FAT3: variants seen among roughly 807,000 people sequenced by gnomAD.
The protein encoded by FAT3 is FAT atypical cadherin 3.
FAT3 carries 95 observed loss-of-function variants against 310.2 expected under a neutral mutation model. The ratio of observed to expected loss-of-function variants is 0.31; its 90% CI spans 0.26 to 0.36. FAT3 has a LOEUF of 0.36. Among genes scored for constraint, FAT3 ranks in the 10% least tolerant of loss-of-function variants. FAT3 has a pLI of 1.00. For synonymous variants in FAT3, 2,314 were observed against 2,192.9 expected (o/e 1.06, Z -1.54); for missense variants, 5,408 against 5,715.6 (o/e 0.95, Z 1.74).
At chr11:92,562,219 T>A (rs78523298) in intron 3 of FAT3, among the ~76,000 whole-genome samples, 3,133 of 152,268 alleles carry the variant, frequency 0.021, 99 homozygotes, top group African/African-American at 0.071. Flanking sequence ...CATATGCAAT[T>A]TATATTTATA....
Position 92,895,966 on chromosome 11 carries a change from T to G in FAT3, c.*4853T>G, listed in dbSNP as rs574351278. On this transcript the variant is annotated 3_prime_UTR_variant, in exon 28 of 28. Transcript: ENST00000525166. ...AGGATTTTAGATTTGAAAATGATGT[T>G]TTTTACTCATTTCAAAATGTACTGT... The G allele has an allele frequency of 6.6e-6, 1 of 151,484 alleles. No individual in the cohort carries two copies. Among genetic ancestry groups the G allele is most frequent in the Admixed American group, 6.6e-5 (1 of 15,220 alleles). The allele number at this position is 151,484 out of a possible 1,614,324, so 9.4% of individuals were successfully genotyped here. A position where few individuals can be genotyped will look rare whatever the true frequency, so the allele number is the denominator to read the frequency against.
chr11:92,360,668 A>T (rs541473521), intron 2 of FAT3, among the ~76,000 whole-genome samples: 1 of 152,198 alleles, frequency 6.6e-6, no homozygotes, highest in Non-Finnish European at 1.5e-5. Context: ...GAGATGAAAA[A>T]TTTCCAATTG....
At chr11:92,715,923 A>G (rs1479867608) in intron 4 of FAT3, among the ~76,000 whole-genome samples, 1 of 152,072 alleles carries the variant, frequency 6.6e-6, no homozygotes, top group African/African-American at 2.4e-5. Flanking sequence ...CAGTGGAAGT[A>G]GGAATTGGAG....
chr11:92,811,883 T>G (rs1947682635), intron 13 of FAT3, among the ~76,000 whole-genome samples: 1 of 152,198 alleles, frequency 6.6e-6, no homozygotes, highest in African/African-American at 2.4e-5. Context: ...TAGATTTCTT[T>G]TAGCTTTAAA....
Position 92,800,183 on chromosome 11 carries a change from C to T in FAT3, c.7170C>T (p.Asn2390=). 1 of 1,613,952 alleles carries T rather than the reference C, an allele frequency of 6.2e-7. No individual in the cohort carries two copies. Residue 2390 remains asparagine, a synonymous_variant, in exon 10 of 28, where the codon AAC becomes AAT. Coordinates refer to ENST00000525166, the MANE Select transcript of FAT3 (RefSeq NM_001367949.2). ...VHIYISDVND[N]PPVFNQLIYE... is the part of the protein sequence containing the mutation. ...TCTACATCTCTGATGTAAATGACAA[C>T]CCTCCAGTTTTTAATCAGCTCATTT...
chr11:92,566,869 C>T (rs1465400654), intron 3 of FAT3, among the ~76,000 whole-genome samples: 1 of 152,166 alleles, frequency 6.6e-6, no homozygotes, highest in African/African-American at 2.4e-5. Context: ...TTCCACACAC[C>T]TTATACAAAA....
chr11:92,782,614 C>G (rs3843602), intron 7 of FAT3, among the ~76,000 whole-genome samples: 128,811 of 152,192 alleles, frequency 0.85, 54,702 homozygotes, highest in East Asian at 0.94. Context: ...GCTTGTATCT[C>G]TATGCTCCAC....
chr11:92,740,032 G>T (rs987303875), intron 4 of FAT3, among the ~76,000 whole-genome samples: 1 of 152,182 alleles, frequency 6.6e-6, no homozygotes, highest in Non-Finnish European at 1.5e-5. Context: ...TAAATGAGCA[G>T]TGAGAATATA....
At chr11:92,876,674 C>T (rs554793329) in intron 22 of FAT3, among the ~76,000 whole-genome samples, 49 of 152,350 alleles carry the variant, frequency 3.2e-4, no homozygotes, top group Non-Finnish European at 5.0e-4. Flanking sequence ...ATATAGATTG[C>T]TCTCTTGGCT....
At chr11:92,515,079 A>G (rs1366872407) in intron 2 of FAT3, among the ~76,000 whole-genome samples, 1 of 152,110 alleles carries the variant, frequency 6.6e-6, no homozygotes, top group Non-Finnish European at 1.5e-5. Flanking sequence ...GAATCGCTTC[A>G]TTGATATAAA....
chr11:92,512,311 C>T (rs1953320264), intron 2 of FAT3, among the ~76,000 whole-genome samples: 1 of 151,648 alleles, frequency 6.6e-6, no homozygotes, highest in Non-Finnish European at 1.5e-5. Flanking sequence ...GGCACCACCT[C>T]ATTCTCTAAA....
At chr11:92,736,790 A>G (rs1216976929) in intron 4 of FAT3, among the ~76,000 whole-genome samples, 1 of 152,154 alleles carries the variant, frequency 6.6e-6, no homozygotes, top group Non-Finnish European at 1.5e-5. Context: ...AATTTGATTC[A>G]TTTATTTAAA....
At position 92,799,692 on chromosome 11, in the gene FAT3, C is replaced by G. The variant is rs1236090008; in HGVS notation, c.6679C>G (p.Pro2227Ala). Residue 2227 changes from proline (P) to alanine (A), a missense_variant, in exon 10 of 28, where the codon CCT (proline) becomes GCT (alanine). Coordinates refer to ENST00000525166, the MANE Select transcript of FAT3 (RefSeq NM_001367949.2). ...CATATATATCATTATCGATGGGGAC[C>G]CTTTTAAACAGTTTAACATTGACTT... is the stretch of plus-strand genomic sequence containing the variant. ...GIIYIIIDGD[P>A]FKQFNIDFDT... The G allele has an allele frequency of 3.1e-6, 5 of 1,613,188 alleles. No homozygotes were observed. The highest frequency in any genetic ancestry group is 3.4e-6 in the Non-Finnish European group (4 of 1,179,636).
chr11:92,635,947 T>G (rs1941751215), intron 3 of FAT3, among the ~76,000 whole-genome samples: 1 of 152,004 alleles, frequency 6.6e-6, no homozygotes, highest in Non-Finnish European at 1.5e-5. Context: ...TCTTCTTTTT[T>G]GTTTTGTTTT....
rs1221796768 is a variant in FAT3 at position 92,724,900 on chromosome 11, T to C, written c.3669+27455T>C. Among the ~76,000 whole-genome samples the C allele has an allele frequency of 4.6e-5, 7 of 152,258 alleles. No individual in the cohort carries two copies. In the East Asian group the frequency reaches 1.4e-3, roughly 29 times the overall value. ...ATTACAGTGGCGTGGTTACTTCACA[T>C]TGAGTAATTAAGAAGCAACTATATT... is the stretch of plus-strand genomic sequence containing the variant. On this transcript the variant is annotated intron_variant, in intron 4 of 27. Transcript: ENST00000525166.
chr11:92,421,661 G>C (rs967149340), intron 2 of FAT3, among the ~76,000 whole-genome samples: 3 of 152,256 alleles, frequency 2.0e-5, no homozygotes, highest in African/African-American at 7.2e-5. Context: ...TTATATTTTT[G>C]CTTTTTATTG....
chr11:92,434,832 T>C (rs370589770), intron 2 of FAT3, among the ~76,000 whole-genome samples: 1 of 152,194 alleles, frequency 6.6e-6, no homozygotes, highest in East Asian at 1.9e-4. Flanking sequence ...ATTAATGTAT[T>C]GGGCCCATAT....
chr11:92,597,687 A>T (rs536911), intron 3 of FAT3, among the ~76,000 whole-genome samples: 5 of 151,918 alleles, frequency 3.3e-5, no homozygotes, highest in African/African-American at 9.7e-5. Context: ...TATTAATAAC[A>T]GTATACAAAA....
At chr11:92,732,390 C>T (rs1257820066) in intron 4 of FAT3, among the ~76,000 whole-genome samples, 2 of 152,150 alleles carry the variant, frequency 1.3e-5, no homozygotes, top group African/African-American at 4.8e-5. Context: ...CTCACTCACT[C>T]ACCTACTCAT....
Sources: allele counts gnomAD v4.1 joint callset (sites outside exome capture counted in the v4.1 genomes callset), GRCh38; gene constraint gnomAD v4.1.1; transcripts MANE v1.5; gene names NCBI Gene and HGNC (gene_info 2026-07-23, HGNC 2026-07-21).